The following LHFPL3 variants were observed in gnomAD, a reference collection of about 807,000 sequenced individuals.
LHFPL3 encodes LHFPL tetraspan subfamily member 3, also known as LHFPL tetraspan subfamily member 3 protein.
Under a neutral mutation model 19.3 loss-of-function variants are expected in LHFPL3, and 5 were observed. That is an observed-to-expected ratio of 0.26 (90% CI 0.14 to 0.54). The LOEUF is 0.54. Among genes scored for constraint, LHFPL3 ranks in the 20% least tolerant of loss-of-function variants. LHFPL3 has a pLI of 0.94. For missense variants in LHFPL3, 249 were observed against 307.4 expected (o/e 0.81, Z 1.42); for synonymous variants, 133 against 126.2 (o/e 1.05, Z -0.36).
At chr7:104,858,208 G>T (rs907122494) in intron 2 of LHFPL3, among the ~76,000 whole-genome samples, 1 of 152,110 alleles carries the variant, frequency 6.6e-6, no homozygotes, top group Non-Finnish European at 1.5e-5. Context: ...CAACTTGCTG[G>T]CCTCCTCACC....
At chr7:104,693,440 C>T (rs964633664) in intron 1 of LHFPL3, among the ~76,000 whole-genome samples, 3 of 152,062 alleles carry the variant, frequency 2.0e-5, no homozygotes, top group Admixed American at 6.5e-5. Flanking sequence ...AATTCTAATC[C>T]CATAATCCCT....
At chr7:104,816,176 T>C (rs1790558339) in intron 2 of LHFPL3, among the ~76,000 whole-genome samples, 1 of 152,206 alleles carries the variant, frequency 6.6e-6, no homozygotes, top group African/African-American at 2.4e-5. Flanking sequence ...GTTGTTGTTG[T>C]TTTACAGCAA....
At chr7:104,721,093 A>G (rs1266757255) in intron 1 of LHFPL3, among the ~76,000 whole-genome samples, 1 of 152,258 alleles carries the variant, frequency 6.6e-6, no homozygotes, top group East Asian at 1.9e-4. Flanking sequence ...GCACATGTAT[A>G]TTTATTGTGG....
intron 2 of LHFPL3, among the ~76,000 whole-genome samples, chr7:104,889,621 C>T (rs1792209028): frequency 6.6e-6 from 1 of 152,126 alleles, no homozygotes; most frequent in African/African-American, 2.4e-5. Flanking sequence ...GCCTGGGTGA[C>T]AGAGCAAGAC....
intron 1 of LHFPL3, among the ~76,000 whole-genome samples, chr7:104,342,804 C>A (rs1290376266): frequency 1.3e-5 from 2 of 152,134 alleles, no homozygotes; most frequent in African/African-American, 4.8e-5. Context: ...TGTGTGTGAA[C>A]AAACCAAGTA....
At chr7:104,865,129 A>T (rs1791696012) in intron 2 of LHFPL3, among the ~76,000 whole-genome samples, 1 of 152,166 alleles carries the variant, frequency 6.6e-6, no homozygotes, top group South Asian at 2.1e-4. Context: ...TGGGGAAAAA[A>T]CAGCAGAAAA....
intron 2 of LHFPL3, among the ~76,000 whole-genome samples, chr7:104,851,972 T>C (rs1791422071): frequency 6.6e-6 from 1 of 152,038 alleles, no homozygotes; most frequent in Non-Finnish European, 1.5e-5. Flanking sequence ...TCTGTCTCCT[T>C]TCCTTATCCA....
chr7:104,823,398 G>T (rs1447642517), intron 2 of LHFPL3, among the ~76,000 whole-genome samples: 1 of 152,046 alleles, frequency 6.6e-6, no homozygotes, highest in Admixed American at 6.6e-5. Flanking sequence ...GATCTCTTAA[G>T]GCCCTTCCAG....
chr7:104,496,015 A>G (rs1440197060), intron 1 of LHFPL3, among the ~76,000 whole-genome samples: 2 of 152,154 alleles, frequency 1.3e-5, no homozygotes, highest in African/African-American at 4.8e-5. Context: ...CATGTGCACA[A>G]CGTGCAGGTT....
intron 2 of LHFPL3, among the ~76,000 whole-genome samples, chr7:104,767,350 G>A (rs1444211414): frequency 2.6e-5 from 4 of 152,210 alleles, no homozygotes; most frequent in African/African-American, 9.6e-5. Flanking sequence ...GGTGCCTCTG[G>A]CAGATTGCTT....
At chr7:104,337,808 C>T (rs1433284446) in intron 1 of LHFPL3, among the ~76,000 whole-genome samples, 1 of 152,060 alleles carries the variant, frequency 6.6e-6, no homozygotes, top group African/African-American at 2.4e-5. Flanking sequence ...TGATTAATAG[C>T]CAGCGATATT....
chr7:104,840,361 G>T (rs1230085243), intron 2 of LHFPL3, among the ~76,000 whole-genome samples: 1 of 146,832 alleles, frequency 6.8e-6, no homozygotes, highest in Non-Finnish European at 1.5e-5. Context: ...TGTCACCGAG[G>T]CTGGAGTGCA....
rs1158377264 is a variant in LHFPL3 at position 104,432,949 on chromosome 7, C to G, written c.445+103725C>G. Among the ~76,000 whole-genome samples, 3 of 152,158 alleles carry G rather than the reference C, an allele frequency of 2.0e-5. No individual in the cohort carries two copies. The East Asian group carries it at 5.8e-4, about 29-fold the overall frequency. On this transcript the variant is annotated intron_variant, in intron 1 of 2. Transcript: ENST00000424859. ...TGTTCCAACATTGCCCTCTCCCTACCTCACTGTTTCATTCAGTACAGCTGG... is the reference window on the plus strand; with the variant it reads ...TGTTCCAACATTGCCCTCTCCCTACGTCACTGTTTCATTCAGTACAGCTGG...
intron 1 of LHFPL3, among the ~76,000 whole-genome samples, chr7:104,439,702 T>C (rs1304843359): frequency 6.6e-6 from 1 of 152,100 alleles, no homozygotes; most frequent in African/African-American, 2.4e-5. Context: ...CTCAATTTGG[T>C]AAACAGCATC....
chr7:104,669,147 G>A (rs1792422221), intron 1 of LHFPL3: 1 of 1,613,370 alleles, frequency 6.2e-7, no homozygotes, highest in East Asian at 2.2e-5. Context: ...AACCTGATCA[G>A]CCCCTAAAGG....
chr7:104,376,266 G>A (rs1790712778), intron 1 of LHFPL3, among the ~76,000 whole-genome samples: 1 of 151,952 alleles, frequency 6.6e-6, no homozygotes, highest in South Asian at 2.1e-4. Flanking sequence ...GGAGTATAGT[G>A]GTCAACAAAG....
chr7:104,668,419 A>C, intron 1 of LHFPL3: 1 of 1,604,900 alleles, frequency 6.2e-7, no homozygotes, highest in East Asian at 2.2e-5. Context: ...GGAGACAAGT[A>C]TCGAGATCGT....
Position 104,407,879 on chromosome 7 carries a change from A to G in LHFPL3, c.445+78655A>G, listed in dbSNP as rs574262676. Among the ~76,000 whole-genome samples the G allele has an allele frequency of 4.6e-5, 7 of 152,250 alleles. 1 individual carries two copies. Among genetic ancestry groups the G allele is most frequent in the Admixed American group, 2.0e-4 (3 of 15,280 alleles). On this transcript the variant is annotated intron_variant, in intron 1 of 2. Transcript: ENST00000424859. ...AGAAAGTTCAAGTAAAAGCTGAACA[A>G]TTAGTAAGTGGCATAGTCTGGATTT...
In LHFPL3 at chr7:104,622,979, A is replaced by G. The variant is rs142705687; in HGVS notation, c.446-113696A>G. ...TTTATCTGTCATTTTTATTATAGCT[A>G]TCCTGGAGGATGCTCTCATTGTAAT... On this transcript the variant is annotated intron_variant, in intron 1 of 2. Coordinates refer to ENST00000424859, the MANE Select transcript of LHFPL3 (RefSeq NM_199000.3). 3.0e-3 allele frequency: 1,090 copies of G among 360,422 alleles called. 8 individuals carry two copies. Among genetic ancestry groups the G allele is most frequent in the African/African-American group, 0.02 (955 of 47,524 alleles). The allele number at this position is 360,422 out of a possible 1,614,324, so 22.3% of individuals were successfully genotyped here.
Sources: allele counts gnomAD v4.1 joint callset (sites outside exome capture counted in the v4.1 genomes callset), GRCh38; gene constraint gnomAD v4.1.1; transcripts MANE v1.5; gene names NCBI Gene and HGNC (gene_info 2026-07-23, HGNC 2026-07-21).